CTBP2: variants seen among roughly 807,000 people sequenced by gnomAD.
CTBP2 encodes the protein C-terminal-binding protein 2.
Under a neutral mutation model 80.3 loss-of-function variants are expected in CTBP2, and 30 were observed. The observed-to-expected ratio is 0.37, with a 90% CI of 0.28 to 0.51. The LOEUF is 0.51. Ranked by LOEUF, CTBP2 falls within the 20% of genes least tolerant of loss-of-function variation. CTBP2 has a pLI of 0.93. For synonymous variants in CTBP2, 594 were observed against 587.4 expected, an observed-to-expected ratio of 1.01 and a Z score of -0.16; for missense variants, 1,212 against 1,375.3, an observed-to-expected ratio of 0.88 and a Z score of 1.88.
At chr10:125,057,772 G>A (rs1054805959) in intron 2 of CTBP2, among the ~76,000 whole-genome samples, 3 of 152,200 alleles carry the variant, frequency 2.0e-5, no homozygotes, top group Admixed American at 6.5e-5. Flanking sequence ...GAAGCCTCTT[G>A]GAGGAGCTTT....
intron 1 of CTBP2, among the ~76,000 whole-genome samples, chr10:125,017,916 G>A (rs1956654550): frequency 6.6e-6 from 1 of 152,202 alleles, no homozygotes. Context: ...CATGGGAAGC[G>A]AGCCTCAGAG....
intron 3 of CTBP2, chr10:125,000,394 C>T (rs1457877959): frequency 1.3e-5 from 2 of 152,250 alleles, no homozygotes; most frequent in Non-Finnish European, 2.9e-5. Context: ...GCTGGGCCTC[C>T]CAGCATCCAC....
intron 2 of CTBP2, among the ~76,000 whole-genome samples, chr10:125,056,122 G>A (rs575525849): frequency 2.0e-5 from 3 of 151,556 alleles, no homozygotes; most frequent in African/African-American, 7.3e-5. Context: ...CCGAGATCAC[G>A]CCACTGCACT....
chr10:125,149,379 A>C (rs1859394681), intron 1 of CTBP2, among the ~76,000 whole-genome samples: 1 of 152,144 alleles, frequency 6.6e-6, no homozygotes, highest in South Asian at 2.1e-4. Flanking sequence ...GTGAAGTGGA[A>C]GGAGACCTGT....
At chr10:125,160,274 G>A (rs1008496707) in intron 1 of CTBP2, 45 bp downstream of exon 1, 2 of 152,336 alleles carry the variant, frequency 1.3e-5, no homozygotes, top group African/African-American at 4.8e-5. Context: ...CGCAGGTGAG[G>A]CGGGGGCGGC....
chr10:124,989,442 T>C lies in CTBP2; in HGVS notation c.*76A>G, dbSNP rs934992276. 22 of 1,402,104 alleles carry C rather than the reference T, an allele frequency of 1.6e-5. No homozygotes were observed. The highest frequency in any genetic ancestry group is 1.4e-5 in the African/African-American group (1 of 70,492). The allele number at this position is 1,402,104 out of a possible 1,614,324, so 86.9% of individuals were successfully genotyped here. A position where few individuals can be genotyped will look rare whatever the true frequency, so the allele number is the denominator to read the frequency against. ...CAGTTACAAAGACCATCCGATTCTTTTTCTCTTAGTTCATCTATTTTTCAC... is the reference window on the plus strand; with the variant it reads ...CAGTTACAAAGACCATCCGATTCTTCTTCTCTTAGTTCATCTATTTTTCAC... On this transcript the variant is annotated 3_prime_UTR_variant, in exon 9 of 9. Coordinates refer to ENST00000309035, the MANE Select transcript of CTBP2 (RefSeq NM_022802.3).
chr10:125,087,263 G>A (rs934884093), intron 2 of CTBP2, among the ~76,000 whole-genome samples: 1 of 151,760 alleles, frequency 6.6e-6, no homozygotes, highest in Non-Finnish European at 1.5e-5. Context: ...GTAGAGACGG[G>A]GTTTCGCCAT....
intron 1 of CTBP2, chr10:125,006,070 C>G: frequency 7.8e-7 from 1 of 1,279,328 alleles, no homozygotes; most frequent in Non-Finnish European, 1.0e-6. Flanking sequence ...GTAACAAACT[C>G]CAGGTTGCCT....
intron 1 of CTBP2, among the ~76,000 whole-genome samples, chr10:125,003,974 G>A (rs966014575): frequency 6.6e-6 from 1 of 152,228 alleles, no homozygotes; most frequent in Non-Finnish European, 1.5e-5. Context: ...GAGAAATGGC[G>A]GGTCTGGGGC....
intron 2 of CTBP2, among the ~76,000 whole-genome samples, chr10:125,073,731 A>C (rs779508935): frequency 6.6e-6 from 1 of 152,218 alleles, no homozygotes; most frequent in African/African-American, 2.4e-5. Context: ...GATACAAGTA[A>C]ATTTCTCTTA....
chr10:125,115,775 C>T (rs1458547892), intron 1 of CTBP2, among the ~76,000 whole-genome samples: 3 of 152,162 alleles, frequency 2.0e-5, no homozygotes, highest in Admixed American at 2.0e-4. Context: ...CCCAAGCGTT[C>T]CCCTCCCTTG....
chr10:125,102,470 G>C (rs567106302), intron 2 of CTBP2, among the ~76,000 whole-genome samples: 2 of 152,178 alleles, frequency 1.3e-5, no homozygotes, highest in Non-Finnish European at 2.9e-5. Flanking sequence ...AGGGCTTTCC[G>C]GCCTTCAGCA....
At chr10:125,047,787 G>A (rs955637963) in intron 2 of CTBP2, among the ~76,000 whole-genome samples, 1 of 152,048 alleles carries the variant, frequency 6.6e-6, no homozygotes, top group African/African-American at 2.4e-5. Context: ...ATATGAAATG[G>A]GGGAAGATTT....
chr10:124,991,276 A>G (rs1457159224), intron 8 of CTBP2, among the ~76,000 whole-genome samples: 1 of 152,126 alleles, frequency 6.6e-6, no homozygotes, highest in East Asian at 1.9e-4. Flanking sequence ...CTGGCCTGCC[A>G]TCCTGTCACC....
chr10:125,034,090 T>A (rs1958568842), intron 3 of CTBP2, among the ~76,000 whole-genome samples: 1 of 152,176 alleles, frequency 6.6e-6, no homozygotes, highest in Non-Finnish European at 1.5e-5. Context: ...TATGAAGACA[T>A]CCGCCCATCA....
intron 2 of CTBP2, among the ~76,000 whole-genome samples, chr10:125,052,244 C>A (rs1256374427): frequency 6.6e-6 from 1 of 152,184 alleles, no homozygotes; most frequent in Non-Finnish European, 1.5e-5. Context: ...TCAACCCAAG[C>A]CTGCTTTATG....
chr10:125,092,357 A>C (rs7087635), intron 2 of CTBP2, among the ~76,000 whole-genome samples: 2 of 151,556 alleles, frequency 1.3e-5, no homozygotes, highest in African/African-American at 4.9e-5. Flanking sequence ...CACCCAGCTC[A>C]TTTTTGTATT....
chr10:125,047,189 T>TA lies in CTBP2; in HGVS notation c.-101-8035dup, dbSNP rs1196871054. On this transcript the variant is annotated intron_variant, in intron 2 of 10. Coordinates refer to the CTBP2 transcript ENST00000337195. The stretch of plus-strand genomic sequence containing the variant: ...GCAAAAAAAAAGGGATAAAAGCAAA[T>TA]AAGCAAACAAACTAAATGACACCTC... Among the ~76,000 whole-genome samples, 15 of 152,258 alleles carry TA rather than the reference T, an allele frequency of 9.9e-5. 1 individual carries two copies. In the Middle Eastern group the frequency reaches 0.017, roughly 173 times the overall value.
chr10:125,051,625 G>A (rs1371657352), intron 2 of CTBP2, among the ~76,000 whole-genome samples: 1 of 150,378 alleles, frequency 6.6e-6, no homozygotes, highest in Non-Finnish European at 1.5e-5. Context: ...GGGCAACAGA[G>A]TGAGACTCTG....
Sources: gnomAD v4.1 joint callset for allele counts (sites outside exome capture counted in the v4.1 genomes callset) on GRCh38, gnomAD v4.1.1 for gene constraint, MANE v1.5 for transcripts, NCBI Gene and HGNC (gene_info 2026-07-23, HGNC 2026-07-21) for gene names.